The following RELN variants were observed in gnomAD, a reference collection of about 807,000 sequenced individuals.
RELN encodes the protein reelin.
RELN carries 108 observed loss-of-function variants against 427.6 expected under a neutral mutation model. The ratio of observed to expected loss-of-function variants is 0.25; its 90% CI spans 0.22 to 0.30. RELN has a LOEUF of 0.30. Among genes scored for constraint, RELN ranks in the 10% least tolerant of loss-of-function variants. RELN has a pLI of 1.00. For synonymous variants in RELN, 1,524 were observed against 1,513.4 expected (o/e 1.01, Z -0.16); for missense variants, 3,715 against 4,302.8 (o/e 0.86, Z 3.82).
At chr7:103,743,614 T>C (rs1790731250) in intron 6 of RELN, among the ~76,000 whole-genome samples, 1 of 152,178 alleles carries the variant, frequency 6.6e-6, no homozygotes, top group Non-Finnish European at 1.5e-5. Context: ...GTTGCAATCG[T>C]AGTCTCAGAA....
chr7:103,864,263 A>G (rs1794140320), intron 2 of RELN, among the ~76,000 whole-genome samples: 1 of 152,208 alleles, frequency 6.6e-6, no homozygotes, highest in African/African-American at 2.4e-5. Context: ...GGTATCTTGA[A>G]AAAGTTAATA....
At chr7:103,482,150 GATTTGGTAAACAGA>G (rs1279450037) in intron 63 of RELN, 1 of 152,112 alleles carries the variant, frequency 6.6e-6, no homozygotes, top group Non-Finnish European at 1.5e-5. Context: ...TTTCATTTTG[GATTTGGTAAACAGA>G]ATGAACATTT....
At chr7:103,872,020 A>G (rs1320027598) in intron 2 of RELN, among the ~76,000 whole-genome samples, 1 of 99,790 alleles carries the variant, frequency 1.0e-5, no homozygotes, top group East Asian at 3.1e-4. Context: ...ATGAATATAT[A>G]TATATATATA....
chr7:103,652,112 G>A (rs1173117467), intron 14 of RELN, among the ~76,000 whole-genome samples: 2 of 152,014 alleles, frequency 1.3e-5, no homozygotes, highest in Admixed American at 6.6e-5. Context: ...ATGTGACACC[G>A]ACAAAATTCC....
chr7:103,752,507 T>C (rs1036922907), intron 5 of RELN, among the ~76,000 whole-genome samples: 1 of 152,074 alleles, frequency 6.6e-6, no homozygotes, highest in African/African-American at 2.4e-5. Flanking sequence ...AATCCTGGTT[T>C]ACATGATCCT....
At chr7:103,631,461 T>C in intron 19 of RELN, among the ~76,000 whole-genome samples, 1 of 152,030 alleles carries the variant, frequency 6.6e-6, no homozygotes, top group Admixed American at 6.6e-5. Flanking sequence ...ACCCAGCTAA[T>C]GTTTGTATTT....
intron 6 of RELN, among the ~76,000 whole-genome samples, chr7:103,745,422 T>C (rs569173985): frequency 4.0e-5 from 6 of 150,114 alleles, no homozygotes; most frequent in Middle Eastern, 3.4e-3. Context: ...CCAGGGCAAT[T>C]AGGCAGGAGA....
chr7:103,484,350 T>C (rs1297652248), intron 61 of RELN: 1 of 180,208 alleles, frequency 5.5e-6, no homozygotes, highest in East Asian at 1.4e-4. Context: ...GCTACTTGTA[T>C]ACCCTTGACC....
At chr7:103,727,977 A>C in intron 7 of RELN, 134 bp downstream of exon 7, 1 of 799,108 alleles carries the variant, frequency 1.3e-6, no homozygotes, top group Non-Finnish European at 2.1e-6. Context: ...CCCAATTTTA[A>C]GATATTTGTA....
At chr7:103,658,865 C>T (rs145391546) in intron 12 of RELN, among the ~76,000 whole-genome samples, 1 of 151,788 alleles carries the variant, frequency 6.6e-6, no homozygotes. Context: ...GCCATTACCC[C>T]CAAACCACTG....
chr7:103,555,248 G>A (rs566775764), intron 38 of RELN, among the ~76,000 whole-genome samples: 16 of 152,200 alleles, frequency 1.1e-4, no homozygotes, highest in East Asian at 1.9e-4. Context: ...AAGCAGGAAC[G>A]TCAAGATTCC....
Position 103,635,472 on chromosome 7 carries a change from A to G in RELN, c.2418T>C (p.Thr806=), listed in dbSNP as rs199631495. The change falls in exon 19 of 65, where the codon ACT becomes ACC. Residue 806 remains threonine (T), a synonymous_variant. Coordinates refer to ENST00000428762, the MANE Select transcript of RELN (RefSeq NM_005045.4). The part of the protein sequence containing the change: ...LLHYSYDNGI[T]WKLLEHYSYL... ...ATGAATAATGCTCCAGGAGTTTCCA[A>G]GTTATCCCATTATCATAAGAATAAT... The G allele has an allele frequency of 2.5e-6, 4 of 1,614,062 alleles. No individual in the cohort carries two copies. The East Asian group carries it at 8.9e-5, about 36-fold the overall frequency.
chr7:103,966,611 A>G (rs1037106338), intron 1 of RELN, among the ~76,000 whole-genome samples: 8 of 152,234 alleles, frequency 5.3e-5, no homozygotes, highest in Non-Finnish European at 1.0e-4. Flanking sequence ...ATCTATTGTG[A>G]TTCAGTTTAA....
chr7:103,662,903 C>G (rs1833175943), intron 11 of RELN, among the ~76,000 whole-genome samples: 1 of 152,100 alleles, frequency 6.6e-6, no homozygotes, highest in African/African-American at 2.4e-5. Context: ...TTCCTTAATG[C>G]AGAACATGCA....
chr7:103,756,804 C>CTAAACTAA (rs1211094220), intron 4 of RELN, among the ~76,000 whole-genome samples: 2 of 152,154 alleles, frequency 1.3e-5, no homozygotes, highest in Admixed American at 1.3e-4. Flanking sequence ...GATAACTAAA[C>CTAAACTAA]ATTATTTCCT....
At chr7:103,705,959 T>C (rs543571694) in intron 8 of RELN, among the ~76,000 whole-genome samples, 1 of 152,360 alleles carries the variant, frequency 6.6e-6, no homozygotes, top group East Asian at 1.9e-4. Context: ...TTTCATAAAT[T>C]TATTTATCCC....
intron 2 of RELN, among the ~76,000 whole-genome samples, chr7:103,881,551 G>A (rs1337214800): frequency 3.9e-5 from 6 of 152,042 alleles, no homozygotes; most frequent in Admixed American, 2.0e-4. Context: ...AATGCATCAT[G>A]TTGTATCCTG....
intron 42 of RELN, among the ~76,000 whole-genome samples, chr7:103,543,092 G>A (rs550791506): frequency 2.0e-4 from 30 of 152,316 alleles, no homozygotes; most frequent in Admixed American, 1.6e-3. Flanking sequence ...CTTGTGATAG[G>A]AGGAGGGGGT....
chr7:103,835,954 C>CTTTTT lies in RELN; in HGVS notation c.338-2287_338-2283dup, dbSNP rs10569884. On this transcript the variant is annotated intron_variant, in intron 2 of 64. Transcript: ENST00000428762. Reference sequence around the variant, plus strand: ...TCTCTTTACAAAACTCTCAATTACCCTTTTTTTTTTTTTTTTTTATAGGCG... The same window carrying CTTTTT: ...TCTCTTTACAAAACTCTCAATTACCCTTTTTTTTTTTTTTTTTTTTTTTATAGGCG... Among the ~76,000 whole-genome samples, 4 of 142,392 alleles carry CTTTTT rather than the reference C, an allele frequency of 2.8e-5. 1 individual carries two copies. Among genetic ancestry groups the CTTTTT allele is most frequent in the Non-Finnish European group, 1.5e-5 (1 of 65,374 alleles). The allele number at this position is 142,392 out of a possible 152,430, so 93.4% of individuals were successfully genotyped here.
Sources: allele counts gnomAD v4.1 joint callset (sites outside exome capture counted in the v4.1 genomes callset), GRCh38; gene constraint gnomAD v4.1.1; transcripts MANE v1.5; gene names NCBI Gene and HGNC (gene_info 2026-07-23, HGNC 2026-07-21).